Variants in RBM26 observed in about 807,000 individuals in gnomAD.
RBM26 encodes RNA-binding protein 26.
RBM26 carries 30 observed loss-of-function variants against 123.6 expected under a neutral mutation model. The ratio of observed to expected loss-of-function variants is 0.24; its 90% confidence interval spans 0.18 to 0.33. RBM26 has a LOEUF of 0.33. Ranked by LOEUF, RBM26 falls within the 10% of genes least tolerant of loss-of-function variation. The pLI is 1.00. For missense variants in RBM26, 947 were observed against 1,203.6 expected, an observed-to-expected ratio of 0.79 and a Z score of 3.15; for synonymous variants, 400 against 404.4, an observed-to-expected ratio of 0.99 and a Z score of 0.13.
At chr13:79,338,262 C>A (rs756184429) in intron 18 of RBM26, among the ~76,000 whole-genome samples, 1 of 152,266 alleles carries the variant, frequency 6.6e-6, no homozygotes, top group South Asian at 2.1e-4. Context: ...TGAGAAGTGA[C>A]TCAAAACGTG....
intron 18 of RBM26, among the ~76,000 whole-genome samples, chr13:79,339,741 G>T (rs1412861812): frequency 6.6e-6 from 1 of 151,984 alleles, no homozygotes; most frequent in Non-Finnish European, 1.5e-5. Flanking sequence ...GAAATTAAAA[G>T]CCTCTAAGAA....
chr13:79,314,744 A>G (rs918960643), downstream of RBM26: 5 of 219,600 alleles, frequency 2.3e-5, no homozygotes, highest in South Asian at 6.7e-5. Context: ...AAATGGCTAT[A>G]AAGTATGGGG....
rs1467098669 is a variant in RBM26 at position 79,359,749 on chromosome 13, G to GAGGAA, written c.1418-64_1418-63insTTCCT. 4.8e-3 allele frequency: 3,487 copies of GAGGAA among 731,612 alleles called. 27 individuals carry two copies. The highest frequency in any genetic ancestry group is 0.03 in the South Asian group (1,132 of 38,224). 45.3% of individuals were successfully genotyped at this position (731,612 alleles called of 1,614,324 possible). A position where few individuals can be genotyped will look rare whatever the true frequency, so the allele number is the denominator to read the frequency against. ...AGGTTAATATTTTCTATTTATCATA[G>GAGGAA]ATACCTTCCTCATACAGGAAAATTT... is the stretch of plus-strand genomic sequence containing the variant. On this transcript the variant is annotated intron_variant, in intron 9 of 21. Coordinates refer to ENST00000438737, the MANE Select transcript of RBM26 (RefSeq NM_001366735.2).
chr13:79,365,420 G>C (rs764295494), intron 9 of RBM26, among the ~76,000 whole-genome samples, 158 bp downstream of exon 9: 3 of 152,138 alleles, frequency 2.0e-5, no homozygotes, highest in Non-Finnish European at 2.9e-5. Context: ...TCCAGCCTAG[G>C]CCACAGAGTG....
At position 79,362,877 on chromosome 13, in the gene RBM26, G is replaced by T. The variant is rs543332954; in HGVS notation, c.1417+2701C>A. Among the ~76,000 whole-genome samples the T allele has an allele frequency of 6.6e-5, 10 of 152,254 alleles. No individual in the cohort carries two copies. In the South Asian group the frequency reaches 1.9e-3, roughly 28 times the overall value. ...AAAGAAGGGTATTAAAAACACAGAA[G>T]CAAGTTCCTCTTGGTATATACTCAG... is the stretch of plus-strand genomic sequence containing the variant. On this transcript the variant is annotated intron_variant, in intron 9 of 21. Coordinates refer to ENST00000438737, the MANE Select transcript of RBM26 (RefSeq NM_001366735.2).
At chr13:79,370,463 C>T (rs954930768) in intron 5 of RBM26, among the ~76,000 whole-genome samples, 9 of 152,134 alleles carry the variant, frequency 5.9e-5, no homozygotes, top group Non-Finnish European at 1.5e-5. Flanking sequence ...TATGGATATA[C>T]CACAACATGT....
At chr13:79,372,546 T>C (rs912588759) in intron 3 of RBM26, among the ~76,000 whole-genome samples, 9 of 150,718 alleles carry the variant, frequency 6.0e-5, no homozygotes, top group Non-Finnish European at 1.2e-4. Context: ...TTAATGGAAA[T>C]CCAATTTTAT....
intron 1 of RBM26, among the ~76,000 whole-genome samples, chr13:79,383,671 G>C (rs752124101): frequency 1.3e-5 from 2 of 151,902 alleles, no homozygotes; most frequent in Non-Finnish European, 2.9e-5. Context: ...TTACATTGGG[G>C]GGTGGGGGGA....
chr13:79,365,632 G>C lies in RBM26; in HGVS notation c.1363C>G (p.Gln455Glu), dbSNP rs765082081. The C allele has an allele frequency of 2.9e-5, 47 of 1,613,702 alleles. No individual in the cohort carries two copies. In the Middle Eastern group the frequency reaches 6.6e-4, roughly 23 times the overall value. ...RPMYRHRVHA[Q>E]RPNLIGLTSG... is the part of the protein sequence containing the mutation. ...GTTAGTCCTATCAAGTTGGGCCTTT[G>C]TGCATGCACTCTGTGTCTATACATA... The change falls in exon 9 of 22, where the codon CAA (glutamine) becomes GAA (glutamate). Residue 455 changes from glutamine (Q) to glutamate (E), a missense_variant. Around this residue, in one of 5 missense-constraint regions of RBM26, gnomAD observed 493 missense variants for 563.1 expected, o/e 0.88. Transcript: ENST00000438737.
intron 11 of RBM26, among the ~76,000 whole-genome samples, chr13:79,355,807 G>A (rs1028790994): frequency 6.6e-6 from 1 of 151,836 alleles, no homozygotes; most frequent in African/African-American, 2.4e-5. Context: ...CTGAACAATT[G>A]CCCAAATTTG....
At chr13:79,330,404 G>A (rs983829890) in intron 20 of RBM26, among the ~76,000 whole-genome samples, 3 of 152,064 alleles carry the variant, frequency 2.0e-5, no homozygotes, top group Non-Finnish European at 2.9e-5. Context: ...AATTAAACAG[G>A]TTTGTTTACC....
chr13:79,347,564 C>CAGTG (rs1455850349), intron 14 of RBM26, among the ~76,000 whole-genome samples: 1 of 152,268 alleles, frequency 6.6e-6, no homozygotes, highest in East Asian at 1.9e-4. Flanking sequence ...AGAACAGAGA[C>CAGTG]AGTGACTTCT....
chr13:79,381,402 T>C (rs2077060307), intron 1 of RBM26, among the ~76,000 whole-genome samples: 1 of 148,950 alleles, frequency 6.7e-6, no homozygotes, highest in Non-Finnish European at 1.5e-5. Context: ...AAGCTAAACA[T>C]ATTTCAATTT....
intron 1 of RBM26, among the ~76,000 whole-genome samples, chr13:79,388,294 C>G (rs754870958): frequency 1.1e-4 from 16 of 152,216 alleles, no homozygotes; most frequent in Non-Finnish European, 2.1e-4. Flanking sequence ...TGGGGTTTCA[C>G]CATGGTGGCC....
At chr13:79,374,612 G>A (rs2076478469) in intron 3 of RBM26, among the ~76,000 whole-genome samples, 2 of 152,050 alleles carry the variant, frequency 1.3e-5, no homozygotes, top group Admixed American at 6.6e-5. Flanking sequence ...TTAAATTCAA[G>A]TACTTTCGTA....
intron 20 of RBM26, among the ~76,000 whole-genome samples, chr13:79,326,671 T>A (rs1335529250): frequency 6.6e-6 from 1 of 152,132 alleles, no homozygotes; most frequent in Non-Finnish European, 1.5e-5. Flanking sequence ...GTTTCACAAA[T>A]GAATTCTATT....
rs375739317 is a variant in RBM26 at position 79,337,185 on chromosome 13, C to T, written c.2650G>A (p.Ala884Thr). The change falls in exon 19 of 22, where the codon GCT becomes ACT. Residue 884 changes from alanine to threonine, a missense_variant. Ala to Thr is a moderately conservative substitution (Grantham distance 58). Transcript: ENST00000438737. ...RGRGRGVPGH[A>T]VVDHRPRALE... The stretch of plus-strand genomic sequence containing the variant: ...GCCCTGGGACGGTGATCCACCACAG[C>T]ATGACCAGGCACACCTCGCCCTCGC... 6.2e-6 allele frequency: 10 copies of T among 1,614,006 alleles called. No individual in the cohort carries two copies. Among genetic ancestry groups the T allele is most frequent in the Non-Finnish European group, 8.5e-6 (10 of 1,180,022 alleles).
chr13:79,355,156 C>T (rs1406348955), intron 12 of RBM26, 64 bp downstream of exon 12: 2 of 1,477,720 alleles, frequency 1.4e-6, no homozygotes, highest in East Asian at 2.3e-5. Flanking sequence ...TGCCTCTACT[C>T]GTAAACGCTA....
At chr13:79,371,185 T>G (rs1485382691) in intron 4 of RBM26, 23 bp from the exon 5 acceptor site, 1 of 1,553,716 alleles carries the variant, frequency 6.4e-7, no homozygotes, top group Non-Finnish European at 8.8e-7. Context: ...GTGATCACTT[T>G]AATACAAATA....
Sources: allele counts gnomAD v4.1 joint callset (sites outside exome capture counted in the v4.1 genomes callset), GRCh38; gene constraint gnomAD v4.1.1; regional missense constraint gnomAD v4.1.1; transcripts MANE v1.5; gene names NCBI Gene and HGNC (gene_info 2026-07-23, HGNC 2026-07-21).